ACACB: variants seen among roughly 807,000 people sequenced by gnomAD.
ACACB encodes the protein acetyl-CoA carboxylase 2.
Under a neutral mutation model 278.8 loss-of-function variants are expected in ACACB, and 209 were observed. The observed-to-expected ratio is 0.75, with a 90% CI of 0.67 to 0.84. The LOEUF is 0.84. Ranked by LOEUF, ACACB falls within the 40% of genes least tolerant of loss-of-function variation. The pLI, the probability that ACACB is intolerant of heterozygous loss-of-function variation, is 0.00. For missense variants in ACACB, 2,850 were observed against 3,269.0 expected (o/e 0.87, Z 3.13); for synonymous variants, 1,174 against 1,285.6 (o/e 0.91, Z 1.86).
rs748293791 is a variant in ACACB at position 109,193,710 on chromosome 12, G to A, written c.2462G>A (p.Gly821Asp). The A allele has an allele frequency of 1.2e-6, 2 of 1,613,616 alleles. No individual in the cohort carries two copies. Among genetic ancestry groups the A allele is most frequent in the East Asian group, 4.5e-5 (2 of 44,876 alleles). Residue 821 changes from glycine (G) to aspartate (D), a missense_variant, in exon 16 of 53, where the codon GGT (glycine) becomes GAT (aspartate). This residue lies in a region of ACACB where 2,265 missense variants were observed against 2,561.3 expected (regional missense o/e 0.88). Coordinates refer to ENST00000338432, the MANE Select transcript of ACACB (RefSeq NM_001093.4). ...NLVDVELIYG[G>D]VKYILKVARQ... ...GTAGATGTGGAATTAATTTACGGAG[G>A]TGTTAAGTACATTCTCAAGGTAAAT...
chr12:109,139,403 T>G lies in ACACB; in HGVS notation c.-3T>G. On this transcript the variant is annotated 5_prime_UTR_variant, in exon 2 of 53. Coordinates refer to ENST00000338432, the MANE Select transcript of ACACB (RefSeq NM_001093.4). ...TCTCCTTTTCTCCTTACAGATTTTC[T>G]GAATGGTCTTGCTTCTTTGTCTATC... 1 of 1,605,640 alleles carries G rather than the reference T, an allele frequency of 6.2e-7. No homozygotes were observed.
chr12:109,204,961 C>T (rs1457405204), intron 19 of ACACB, among the ~76,000 whole-genome samples: 1 of 152,116 alleles, frequency 6.6e-6, no homozygotes, highest in African/African-American at 2.4e-5. Flanking sequence ...ATTCTCCTGC[C>T]TCAGACTCCC....
At chr12:109,164,106 C>A (rs1405858739) in intron 2 of ACACB, among the ~76,000 whole-genome samples, 2 of 152,178 alleles carry the variant, frequency 1.3e-5, no homozygotes, top group Non-Finnish European at 2.9e-5. Context: ...CTCCTATAAG[C>A]ATCTGGATAT....
chr12:109,180,277 A>T (rs1040471489), intron 11 of ACACB, among the ~76,000 whole-genome samples, 190 bp downstream of exon 11: 12 of 152,234 alleles, frequency 7.9e-5, no homozygotes, highest in Non-Finnish European at 1.5e-4. Flanking sequence ...CAATTTCAGG[A>T]CATTCATAGA....
At chr12:109,237,508 C>T in intron 34 of ACACB, 128 bp downstream of exon 34, 4 of 986,370 alleles carry the variant, frequency 4.1e-6, no homozygotes, top group Non-Finnish European at 6.0e-6. Flanking sequence ...GGGTCCTGCC[C>T]TTGCTATGCT....
At chr12:109,210,216 CACACAT>C (rs1395753300) in intron 21 of ACACB, among the ~76,000 whole-genome samples, 56 of 55,554 alleles carry the variant, frequency 1.0e-3, no homozygotes, top group Admixed American at 1.8e-3. Context: ...TGTATATATA[CACACAT>C]GTGTGTATAT....
chr12:109,151,385 A>G (rs920519246), intron 2 of ACACB, among the ~76,000 whole-genome samples: 6 of 151,968 alleles, frequency 3.9e-5, no homozygotes, highest in African/African-American at 1.5e-4. Context: ...CCATTCATAC[A>G]TTCCCCTCCC....
Position 109,152,611 on chromosome 12 carries a change from C to T in ACACB, c.653+12553C>T, listed in dbSNP as rs140530709. Among the ~76,000 whole-genome samples the T allele has an allele frequency of 8.0e-5, 12 of 150,342 alleles. No homozygotes were observed. The East Asian group carries it at 2.0e-3, about 24-fold the overall frequency. The stretch of plus-strand genomic sequence containing the variant: ...TACTTGGCACCCCCGGGAAGTGTGG[C>T]CCTGCCTGTGCCTTTTCTTTCTTTC... On this transcript the variant is annotated intron_variant, in intron 2 of 52. Transcript: ENST00000338432.
In ACACB at chr12:109,193,636, CT is replaced by C. The variant is rs1565906878; in HGVS notation, c.2400-8del. ...CTCCCAAGGCTGACCACAACCCTGTCTTTTCTTTCAGGGGCCAGGTCCTCCC... is the reference window on the plus strand; with the variant it reads ...CTCCCAAGGCTGACCACAACCCTGTCTTTCTTTCAGGGGCCAGGTCCTCCC... On this transcript the variant is annotated splice_polypyrimidine_tract_variant and intron_variant, in intron 15 of 52. Transcript: ENST00000338432. 1.9e-6 allele frequency: 3 copies of C among 1,609,220 alleles called. No homozygotes were observed.
chr12:109,190,729 G>A (rs1006632871), intron 13 of ACACB, among the ~76,000 whole-genome samples: 1 of 151,996 alleles, frequency 6.6e-6, no homozygotes, highest in African/African-American at 2.4e-5. Flanking sequence ...CTGGGCTCAA[G>A]CGATCCTCCC....
chr12:109,201,213 A>C (rs867085484), intron 18 of ACACB, among the ~76,000 whole-genome samples: 4 of 152,246 alleles, frequency 2.6e-5, no homozygotes, highest in Admixed American at 2.0e-4. Context: ...TGATTTATGC[A>C]GTACGTTTTA....
intron 3 of ACACB, among the ~76,000 whole-genome samples, chr12:109,167,621 G>GTATAGATATATATATA: frequency 1.3e-5 from 1 of 77,528 alleles, no homozygotes; most frequent in Non-Finnish European, 2.4e-5. Flanking sequence ...ATATGTATGT[G>GTATAGATATATATATA]TATATATATA....
Position 109,241,234 on chromosome 12 carries a change from C to CTGGA in ACACB, c.4976_4979dup (p.Ile1661GlyfsTer10), listed in dbSNP as rs2046790184. 1 of 1,614,104 alleles carries CTGGA rather than the reference C, an allele frequency of 6.2e-7. No homozygotes were observed. The highest frequency in any genetic ancestry group is 8.5e-7 in the Non-Finnish European group (1 of 1,180,044). ...CATCACCAATGAGTCGGGCTACTAC[C>CTGGA]TGGACATCAGCCTCTACAAAGAAGT... is the stretch of plus-strand genomic sequence containing the variant. On this transcript the variant is annotated frameshift_variant, in exon 36 of 53. Transcript: ENST00000338432. LOFTEE classifies it high-confidence loss of function.
chr12:109,256,121 T>C lies in ACACB; in HGVS notation c.6167-19T>C. Reference sequence around the variant, plus strand: ...GCCACCTGGCCCTCCAGCCTGGGCTTCTGCCCTTCTGTCCACAGCTCTGAA... The same window carrying C: ...GCCACCTGGCCCTCCAGCCTGGGCTCCTGCCCTTCTGTCCACAGCTCTGAA... On this transcript the variant is annotated intron_variant, in intron 44 of 52. Transcript: ENST00000338432. 6.2e-7 allele frequency: 1 copy of C among 1,608,674 alleles called. No homozygotes were observed. Among genetic ancestry groups the C allele is most frequent in the South Asian group, 1.1e-5 (1 of 90,910 alleles).
Position 109,259,101 on chromosome 12 carries a change from C to T in ACACB, c.6489C>T (p.Gly2163=). The T allele has an allele frequency of 6.2e-7, 1 of 1,613,956 alleles. No individual in the cohort carries two copies. Among genetic ancestry groups the T allele is most frequent in the African/African-American group, 1.3e-5 (1 of 75,034 alleles). The part of the protein sequence containing the change: ...IFANWRGFSG[G]MKDMYDQVLK... ...CCAACTGGAGGGGGTTCTCCGGTGG[C>T]ATGAAAGGTAAGCCCCTCCCTGCCT... The change falls in exon 47 of 53, where the codon GGC becomes GGT. Residue 2163 remains glycine, a synonymous_variant. Coordinates refer to ENST00000338432, the MANE Select transcript of ACACB (RefSeq NM_001093.4).
At chr12:109,184,358 C>G (rs2044581967) in intron 11 of ACACB, among the ~76,000 whole-genome samples, 3 of 152,120 alleles carry the variant, frequency 2.0e-5, no homozygotes. Context: ...CGGCCGTGGG[C>G]TCAATCTTTT....
intron 26 of ACACB, 117 bp downstream of exon 26, chr12:109,223,029 C>G (rs1283701653): frequency 2.5e-6 from 2 of 808,042 alleles, no homozygotes; most frequent in Non-Finnish European, 4.1e-6. Flanking sequence ...CAGGGCACAG[C>G]CACAGATGCA....
Position 109,179,275 on chromosome 12 carries a change from C to T in ACACB, c.1625C>T (p.Ala542Val). The change falls in exon 10 of 53, where the codon GCC becomes GTC. Residue 542 changes from alanine to valine, a missense_variant. Transcript: ENST00000338432. Reference protein sequence around the residue: ...EEAPATIAPLAIFEFMEQCAI... With the variant: ...EEAPATIAPLVIFEFMEQCAI... Reference sequence around the variant, plus strand: ...GCACCGGCCACCATCGCCCCGCTGGCCATATTCGAGTTCATGGAGCAGGTA... The same window carrying T: ...GCACCGGCCACCATCGCCCCGCTGGTCATATTCGAGTTCATGGAGCAGGTA... 6.2e-7 allele frequency: 1 copy of T among 1,613,674 alleles called. No individual in the cohort carries two copies. Among genetic ancestry groups the T allele is most frequent in the Non-Finnish European group, 8.5e-7 (1 of 1,179,964 alleles).
intron 2 of ACACB, among the ~76,000 whole-genome samples, chr12:109,152,548 C>T (rs1168577017): frequency 6.6e-6 from 1 of 151,372 alleles, no homozygotes; most frequent in Admixed American, 6.6e-5. Flanking sequence ...GGCATGGCTG[C>T]TTAAACAGGG....
Sources: allele counts gnomAD v4.1 joint callset (sites outside exome capture counted in the v4.1 genomes callset), GRCh38; gene constraint gnomAD v4.1.1; regional missense constraint gnomAD v4.1.1; transcripts MANE v1.5; gene names NCBI Gene and HGNC (gene_info 2026-07-23, HGNC 2026-07-21).